The following BMPR1B variants were observed in gnomAD, a reference collection of about 807,000 sequenced individuals.
BMPR1B encodes the protein bone morphogenetic protein receptor type 1B.
BMPR1B carries 12 observed loss-of-function variants against 59.1 expected under a neutral mutation model. The observed-to-expected ratio is 0.20, with a 90% CI of 0.13 to 0.33. The LOEUF (loss-of-function observed/expected upper bound fraction) is 0.33, where lower values mean the gene tolerates loss of function less well. Among genes scored for constraint, BMPR1B ranks in the 10% least tolerant of loss-of-function variants. The probability of loss-of-function intolerance (pLI) is 1.00; values close to 1 mark genes in which losing one functional copy is unlikely to be tolerated. For missense variants in BMPR1B, 550 were observed against 610.9 expected, an observed-to-expected ratio of 0.90 and a Z score of 1.05; for synonymous variants, 237 against 207.3, an observed-to-expected ratio of 1.14 and a Z score of -1.23.
intron 2 of BMPR1B, among the ~76,000 whole-genome samples, chr4:94,921,698 G>T (rs1391809210): frequency 6.6e-6 from 1 of 151,996 alleles, no homozygotes; most frequent in Non-Finnish European, 1.5e-5. Context: ...CCAATATTAG[G>T]CATTATAATT....
intron 1 of BMPR1B, among the ~76,000 whole-genome samples, chr4:94,847,909 C>G (rs1455811045): frequency 6.6e-6 from 1 of 151,900 alleles, no homozygotes; most frequent in Admixed American, 6.6e-5. Context: ...ATTAAAAAAA[C>G]TAAAAGAGTA....
intron 3 of BMPR1B, among the ~76,000 whole-genome samples, chr4:95,053,870 A>G (rs1199378793): frequency 2.0e-5 from 3 of 152,168 alleles, no homozygotes; most frequent in Non-Finnish European, 4.4e-5. Context: ...GGACTATGAG[A>G]TTAACAGAAA....
intron 1 of BMPR1B, among the ~76,000 whole-genome samples, chr4:94,832,008 T>C (rs1384023816): frequency 6.6e-6 from 1 of 152,220 alleles, no homozygotes; most frequent in Non-Finnish European, 1.5e-5. Flanking sequence ...CTCCCACTGA[T>C]TCTACATCAT....
intron 2 of BMPR1B, among the ~76,000 whole-genome samples, chr4:94,941,682 A>T (rs994156892): frequency 6.6e-6 from 1 of 152,126 alleles, no homozygotes; most frequent in Non-Finnish European, 1.5e-5. Context: ...TTGAATTGGT[A>T]ATGATTCATT....
rs191764524 is a variant in BMPR1B at position 95,010,494 on chromosome 4, T to A, written c.-18+14360T>A. Among the ~76,000 whole-genome samples the A allele has an allele frequency of 2.4e-4, 36 of 152,294 alleles. No individual in the cohort carries two copies. In the East Asian group the frequency reaches 5.0e-3, roughly 21 times the overall value. On this transcript the variant is annotated intron_variant, in intron 3 of 12. Coordinates refer to ENST00000515059, the MANE Select transcript of BMPR1B (RefSeq NM_001203.3). ...CATTCCCTCCTTTTGGTGTTCAGTG[T>A]CTTTTGCTCTCATTAGTTGTCCCAC... is the stretch of plus-strand genomic sequence containing the variant.
intron 2 of BMPR1B, among the ~76,000 whole-genome samples, chr4:94,939,407 G>T (rs1052033017): frequency 2.0e-5 from 3 of 151,990 alleles, no homozygotes; most frequent in Admixed American, 2.0e-4. Context: ...GACAGTGTGG[G>T]GTCTGTGATA....
chr4:94,901,695 A>G (rs988316645), intron 2 of BMPR1B, among the ~76,000 whole-genome samples: 3 of 152,014 alleles, frequency 2.0e-5, no homozygotes, highest in Admixed American at 6.6e-5. Flanking sequence ...TTGATATCTG[A>G]TATCTCCAAA....
Position 94,949,926 on chromosome 4 carries a change from A to G in BMPR1B, c.-112-46114A>G, listed in dbSNP as rs533718164. ...CTACTAACAGTGTAAAAGCGTTCCT[A>G]TTACTCCACGTCCTCTCCAGCATCT... On this transcript the variant is annotated intron_variant, in intron 2 of 12. Transcript: ENST00000515059. 1.7e-4 allele frequency among the ~76,000 whole-genome samples: 26 copies of G among 152,244 alleles called. No homozygotes were observed. In the Middle Eastern group the frequency reaches 0.01, roughly 60 times the overall value.
At chr4:94,847,051 G>A (rs1485737132) in intron 1 of BMPR1B, among the ~76,000 whole-genome samples, 1 of 152,130 alleles carries the variant, frequency 6.6e-6, no homozygotes, top group East Asian at 1.9e-4. Flanking sequence ...CTACCCATCT[G>A]ACAAGGAATA....
chr4:94,838,669 A>G (rs1413592358), intron 1 of BMPR1B, among the ~76,000 whole-genome samples: 241 of 139,086 alleles, frequency 1.7e-3, no homozygotes, highest in African/African-American at 6.0e-3. Context: ...TATTAGTCTT[A>G]CTAGCGGTCT....
At chr4:95,016,361 G>A (rs1723590145) in intron 3 of BMPR1B, among the ~76,000 whole-genome samples, 1 of 152,098 alleles carries the variant, frequency 6.6e-6, no homozygotes, top group Admixed American at 6.5e-5. Context: ...AACACATGAT[G>A]TTACAAAATT....
chr4:95,122,647 C>T (rs1430134908), intron 6 of BMPR1B, among the ~76,000 whole-genome samples: 1 of 151,952 alleles, frequency 6.6e-6, no homozygotes, highest in East Asian at 1.9e-4. Flanking sequence ...AGTAATTTTT[C>T]CTGAGTGTTG....
At chr4:95,131,948 G>T (rs1396953052) in intron 10 of BMPR1B, among the ~76,000 whole-genome samples, 1 of 152,174 alleles carries the variant, frequency 6.6e-6, no homozygotes, top group Non-Finnish European at 1.5e-5. Context: ...AAACCCAGCT[G>T]TTATTCAGTA....
At chr4:94,782,368 C>T (rs1460728578) in intron 1 of BMPR1B, among the ~76,000 whole-genome samples, 3 of 150,794 alleles carry the variant, frequency 2.0e-5, no homozygotes, top group East Asian at 3.9e-4. Flanking sequence ...TGCAGTGGTG[C>T]AATCTTGGCT....
chr4:95,044,617 A>C (rs914498342), intron 3 of BMPR1B, among the ~76,000 whole-genome samples: 6 of 152,196 alleles, frequency 3.9e-5, no homozygotes, highest in African/African-American at 1.4e-4. Flanking sequence ...CAGAGCAATG[A>C]AAGCAGAGAG....
intron 10 of BMPR1B, among the ~76,000 whole-genome samples, chr4:95,146,940 G>C (rs1334605271): frequency 6.6e-6 from 1 of 152,094 alleles, no homozygotes; most frequent in Admixed American, 6.6e-5. Context: ...ACATACAAAT[G>C]ACAATTTTCT....
intron 1 of BMPR1B, among the ~76,000 whole-genome samples, chr4:94,767,049 T>A (rs190493572): frequency 1.3e-5 from 2 of 152,234 alleles, no homozygotes. Context: ...GTTGCTTCAT[T>A]TTTATGAGTC....
intron 10 of BMPR1B, among the ~76,000 whole-genome samples, chr4:95,144,001 A>AT (rs80236648): frequency 0.03 from 4,290 of 143,450 alleles, 143 homozygotes; most frequent in African/African-American, 0.09. Context: ...ATTTCTCCCA[A>AT]TTTTTTTTTT....
intron 2 of BMPR1B, among the ~76,000 whole-genome samples, chr4:94,944,973 A>G (rs1451878018): frequency 2.0e-5 from 3 of 152,328 alleles, no homozygotes; most frequent in South Asian, 2.1e-4. Flanking sequence ...GTTCAGCTCT[A>G]TACAAGTGAT....
Sources: allele counts gnomAD v4.1 joint callset (sites outside exome capture counted in the v4.1 genomes callset), GRCh38; gene constraint gnomAD v4.1.1; transcripts MANE v1.5; gene names NCBI Gene and HGNC (gene_info 2026-07-23, HGNC 2026-07-21).